Variants in CCDC149 observed in about 807,000 individuals in gnomAD.
CCDC149 encodes the protein coiled-coil domain containing 149, also known as coiled-coil domain-containing protein 149.
In CCDC149, 45 loss-of-function variants were observed where a neutral mutation model predicts 59.9. The observed-to-expected ratio is 0.75, with a 90% confidence interval of 0.59 to 0.96. The LOEUF is 0.96. CCDC149 is among the 40% of genes least tolerant of loss of function. The probability of loss-of-function intolerance (pLI) is 0.00; values close to 1 mark genes in which losing one functional copy is unlikely to be tolerated. For missense variants in CCDC149, 584 were observed against 664.7 expected (o/e 0.88, Z 1.33); for synonymous variants, 245 against 260.6 (o/e 0.94, Z 0.58).
At chr4:24,871,379 C>G (rs1577432683) in intron 3 of CCDC149, among the ~76,000 whole-genome samples, 1 of 152,182 alleles carries the variant, frequency 6.6e-6, no homozygotes, top group Non-Finnish European at 1.5e-5. Context: ...TTAGCCACGA[C>G]AGCTGGGAAG....
At chr4:24,876,428 T>G in intron 2 of CCDC149, 108 bp downstream of exon 2, 1 of 1,282,794 alleles carries the variant, frequency 7.8e-7, no homozygotes, top group Non-Finnish European at 1.1e-6. Flanking sequence ...TTTTTCCACT[T>G]TGAACTGTTT....
chr4:24,861,274 C>CAT (rs1468272810), intron 3 of CCDC149, among the ~76,000 whole-genome samples: 1 of 151,490 alleles, frequency 6.6e-6, no homozygotes, highest in African/African-American at 2.4e-5. Context: ...CACACACACA[C>CAT]ACACACACAC....
Position 24,811,487 on chromosome 4 carries a change from C to T in CCDC149, c.1193-2668G>A, listed in dbSNP as rs192805664. 1.0e-3 allele frequency among the ~76,000 whole-genome samples: 158 copies of T among 152,252 alleles called. 1 individual carries two copies. Among genetic ancestry groups the T allele is most frequent in the Non-Finnish European group, 2.9e-4 (20 of 68,018 alleles). On this transcript the variant is annotated intron_variant, in intron 12 of 12. Transcript: ENST00000635206. ...TCTAGTTCTGTGAGCATGCTGTATT[C>T]GTTCCCTATGGCTCCTGTAACAACC...
chr4:24,942,685 C>T (rs1722986319), intron 1 of CCDC149, among the ~76,000 whole-genome samples: 1 of 152,174 alleles, frequency 6.6e-6, no homozygotes, highest in Non-Finnish European at 1.5e-5. Context: ...AGCTGATAAG[C>T]AACTTCAGCA....
intron 9 of CCDC149, among the ~76,000 whole-genome samples, chr4:24,825,999 A>C (rs1481050161): frequency 6.6e-6 from 1 of 152,068 alleles, no homozygotes; most frequent in Non-Finnish European, 1.5e-5. Context: ...TCTGTTGCTC[A>C]GGCTGGAGTG....
chr4:24,813,503 T>TATATATATATATAC (rs1553846376), intron 12 of CCDC149, among the ~76,000 whole-genome samples: 1,813 of 135,608 alleles, frequency 0.013, 85 homozygotes, highest in African/African-American at 0.048. Context: ...TATATATATA[T>TATATATATATATAC]ATATATATAT....
chr4:24,942,381 T>C (rs1050880985), intron 1 of CCDC149, among the ~76,000 whole-genome samples: 1 of 152,212 alleles, frequency 6.6e-6, no homozygotes, highest in African/African-American at 2.4e-5. Flanking sequence ...AAATTAGGTA[T>C]TGATGAGACG....
intron 9 of CCDC149, among the ~76,000 whole-genome samples, chr4:24,824,487 G>A (rs181019944): frequency 5.3e-5 from 8 of 152,272 alleles, no homozygotes; most frequent in African/African-American, 1.9e-4. Flanking sequence ...CTGAACACTC[G>A]CCTCATTTGT....
At chr4:24,977,190 T>C (rs1367907561) in intron 1 of CCDC149, among the ~76,000 whole-genome samples, 1 of 152,120 alleles carries the variant, frequency 6.6e-6, no homozygotes, top group African/African-American at 2.4e-5. Flanking sequence ...TGGATGGGCA[T>C]GGACCCAAGC....
chr4:24,884,164 T>C (rs969322007), intron 1 of CCDC149, among the ~76,000 whole-genome samples: 1 of 152,180 alleles, frequency 6.6e-6, no homozygotes, highest in Non-Finnish European at 1.5e-5. Context: ...AGATTGACAG[T>C]GTCAACAACA....
intron 1 of CCDC149, among the ~76,000 whole-genome samples, chr4:24,885,859 T>A (rs1396136392): frequency 6.6e-6 from 1 of 152,214 alleles, no homozygotes; most frequent in Non-Finnish European, 1.5e-5. Flanking sequence ...TTTTTTTGAA[T>A]ATCTACTATG....
At chr4:24,964,080 C>T (rs1723724536) in intron 1 of CCDC149, among the ~76,000 whole-genome samples, 1 of 151,472 alleles carries the variant, frequency 6.6e-6, no homozygotes, top group South Asian at 2.1e-4. Flanking sequence ...TCTGTAGTTC[C>T]AGCTACTCAG....
intron 3 of CCDC149, among the ~76,000 whole-genome samples, chr4:24,873,203 CACCCACCAAATGGTATGT>C (rs1719161925): frequency 6.6e-6 from 1 of 152,024 alleles, no homozygotes; most frequent in Admixed American, 6.5e-5. Context: ...GAACAGTATG[CACCCACCAAATGGTATGT>C]ACCCATAGGA....
At chr4:24,897,137 G>A (rs1300069473) in intron 1 of CCDC149, among the ~76,000 whole-genome samples, 3 of 152,130 alleles carry the variant, frequency 2.0e-5, no homozygotes, top group Non-Finnish European at 2.9e-5. Flanking sequence ...TCACAGAAGG[G>A]GAGGAGGGCT....
At chr4:24,937,661 G>C (rs1486507725) in intron 1 of CCDC149, among the ~76,000 whole-genome samples, 1 of 152,172 alleles carries the variant, frequency 6.6e-6, no homozygotes, top group Non-Finnish European at 1.5e-5. Flanking sequence ...TGAGGAAGAG[G>C]AGGAGAAAAG....
At chr4:24,921,231 C>T in intron 1 of CCDC149, among the ~76,000 whole-genome samples, 1 of 152,188 alleles carries the variant, frequency 6.6e-6, no homozygotes, top group East Asian at 1.9e-4. Flanking sequence ...GTCCCTGCAT[C>T]TAATCTTTAC....
chr4:24,810,534 G>A (rs1417712805), intron 12 of CCDC149, among the ~76,000 whole-genome samples: 1 of 152,174 alleles, frequency 6.6e-6, no homozygotes, highest in Non-Finnish European at 1.5e-5. Context: ...AATGAGATCT[G>A]CCTGGTCCTT....
chr4:24,817,437 C>A (rs963033561), intron 12 of CCDC149, among the ~76,000 whole-genome samples: 2 of 151,974 alleles, frequency 1.3e-5, no homozygotes, highest in African/African-American at 4.8e-5. Context: ...TGGGGGGTAA[C>A]CTTTCTGTTC....
chr4:24,979,874 G>C lies in CCDC149; in HGVS notation c.-65+195C>G, dbSNP rs1038385835. ...ACGTCAATGCGTCGATGTTAATTCC[G>C]GTAAACTGAATCCACCCGAGAATCT... On this transcript the variant is annotated intron_variant, in intron 1 of 12. Coordinates refer to the CCDC149 transcript ENST00000389609. Among the ~76,000 whole-genome samples the C allele has an allele frequency of 3.3e-5, 5 of 152,044 alleles. No homozygotes were observed. In the South Asian group the frequency reaches 8.3e-4, roughly 25 times the overall value.
Sources: gnomAD v4.1 joint callset for allele counts (sites outside exome capture counted in the v4.1 genomes callset) on GRCh38, gnomAD v4.1.1 for gene constraint, MANE v1.5 for transcripts, NCBI Gene and HGNC (gene_info 2026-07-23, HGNC 2026-07-21) for gene names.